Variants in PDE6B observed in about 807,000 individuals in gnomAD.
PDE6B encodes the protein phosphodiesterase 6B.
A neutral mutation model predicts 109.0 loss-of-function variants in PDE6B; 106 were observed. The ratio of observed to expected loss-of-function variants is 0.97; its 90% CI spans 0.83 to 1.14. The LOEUF (loss-of-function observed/expected upper bound fraction) is 1.14, where lower values mean the gene tolerates loss of function less well. Ranked by LOEUF, PDE6B falls within the 50% of genes most tolerant of loss-of-function variation. The probability of loss-of-function intolerance (pLI) is 0.00; values close to 1 mark genes in which losing one functional copy is unlikely to be tolerated. For synonymous variants in PDE6B, 490 were observed against 471.3 expected, an observed-to-expected ratio of 1.04 and a Z score of -0.51; for missense variants, 1,193 against 1,155.6, an observed-to-expected ratio of 1.03 and a Z score of -0.47.
chr4:663,085 C>T lies in PDE6B; in HGVS notation c.1833-15C>T. 6.6e-7 allele frequency: 1 copy of T among 1,518,480 alleles called. No homozygotes were observed. Among genetic ancestry groups the T allele is most frequent in the Non-Finnish European group, 9.2e-7 (1 of 1,092,752 alleles). The allele number at this position is 1,518,480 out of a possible 1,614,324, so 94.1% of individuals were successfully genotyped here. On this transcript the variant is annotated splice_polypyrimidine_tract_variant and intron_variant, in intron 14 of 21. Coordinates refer to ENST00000496514, the MANE Select transcript of PDE6B (RefSeq NM_000283.4). This position sits in a 1 kb window ranked among gnomAD's most constrained non-coding sequence, Gnocchi z 4.0. ...GCAGGTCCCACGGGCCTCACCTCCA[C>T]CACCTGTGTAACAGGTCCCAGAACC...
rs1735986358 is a variant in PDE6B at position 654,677 on chromosome 4, C to T, written c.928-147C>T. The T allele has an allele frequency of 6.6e-6, 5 of 763,260 alleles. No homozygotes were observed. The Admixed American group carries it at 8.6e-5, about 13-fold the overall frequency. The allele number at this position is 763,260 out of a possible 1,614,324, so 47.3% of individuals were successfully genotyped here. On this transcript the variant is annotated intron_variant, in intron 5 of 21. Transcript: ENST00000496514. ...GAATACCTGCGCACGGCGGAGACAT[C>T]TGTTCACGTGTGTACACATGCACGG...
chr4:630,498 TCGATGGCAGA>T (rs1734330970), intron 1 of PDE6B, among the ~76,000 whole-genome samples: 1 of 152,256 alleles, frequency 6.6e-6, no homozygotes, highest in Non-Finnish European at 1.5e-5. Flanking sequence ...CTTTGCAGTC[TCGATGGCAGA>T]CTTACAAAAA....
chr4:662,457 C>A lies in PDE6B; in HGVS notation c.1723-52C>A. 7.7e-7 allele frequency: 1 copy of A among 1,293,422 alleles called. No homozygotes were observed. Among genetic ancestry groups the A allele is most frequent in the Non-Finnish European group, 1.1e-6 (1 of 888,682 alleles). 80.1% of individuals were successfully genotyped at this position (1,293,422 alleles called of 1,614,324 possible). A position where few individuals can be genotyped will look rare whatever the true frequency, so the allele number is the denominator to read the frequency against. ...TAGGTCATCCCAACCCCTCACCACT[C>A]CCCACCCTGCTGGAGCCAGGACCGG... On this transcript the variant is annotated intron_variant, in intron 13 of 21. Transcript: ENST00000496514. This position sits in a 1 kb window ranked among gnomAD's most constrained non-coding sequence, Gnocchi z 4.3.
At position 662,273 on chromosome 4, in the gene PDE6B, C is replaced by A; in HGVS notation, c.1722+32C>A. 1 of 1,254,992 alleles carries A rather than the reference C, an allele frequency of 8.0e-7. No homozygotes were observed. The highest frequency in any genetic ancestry group is 1.1e-6 in the Non-Finnish European group (1 of 876,370). The allele number at this position is 1,254,992 out of a possible 1,614,324, so 77.7% of individuals were successfully genotyped here. On this transcript the variant is annotated intron_variant, in intron 13 of 21. Transcript: ENST00000496514. This position sits in a 1 kb window ranked among gnomAD's most constrained non-coding sequence, Gnocchi z 4.3. ...GGCTGCCAGAATCACCAGGGTTGTGCAGGCCCTCCTGGTACCAAGGGCAGC... is the reference window on the plus strand; with the variant it reads ...GGCTGCCAGAATCACCAGGGTTGTGAAGGCCCTCCTGGTACCAAGGGCAGC...
intron 1 of PDE6B, among the ~76,000 whole-genome samples, chr4:627,684 A>G (rs1439630144): frequency 2.1e-5 from 1 of 48,150 alleles, no homozygotes; most frequent in Non-Finnish European, 4.1e-5. Context: ...TCCTCCCCTC[A>G]CTCTCCTGCC....
Position 648,685 on chromosome 4 carries a change from A to G in PDE6B, c.712-5167A>G, listed in dbSNP as rs1259716548. On this transcript the variant is annotated intron_variant, in intron 3 of 21. Coordinates refer to ENST00000496514, the MANE Select transcript of PDE6B (RefSeq NM_000283.4). This position sits in a 1 kb window ranked among gnomAD's most constrained non-coding sequence, Gnocchi z 4.5. Reference sequence around the variant, plus strand: ...AGGAAAGCCATGGGTTAGGCCCTACAGAGCTCAGGTTTCTCTCTGACCTGT... The same window carrying G: ...AGGAAAGCCATGGGTTAGGCCCTACGGAGCTCAGGTTTCTCTCTGACCTGT... Among the ~76,000 whole-genome samples, 1 of 152,260 alleles carries G rather than the reference A, an allele frequency of 6.6e-6. No individual in the cohort carries two copies. Among genetic ancestry groups the G allele is most frequent in the African/African-American group, 2.4e-5 (1 of 41,474 alleles).
intron 2 of PDE6B, 30 bp downstream of exon 2, chr4:634,859 G>T (rs367693445): frequency 1.9e-5 from 30 of 1,605,434 alleles, no homozygotes; most frequent in South Asian, 3.3e-5. Flanking sequence ...GGGCAGCCGC[G>T]CGTCTGCCTC....
chr4:634,909 C>T (rs1734575994), intron 2 of PDE6B, 80 bp downstream of exon 2: 4 of 1,279,172 alleles, frequency 3.1e-6, no homozygotes, highest in Non-Finnish European at 3.4e-6. Context: ...TGCTGCGCAT[C>T]CACCTCTTTA....
At chr4:637,760 G>A (rs1360794347) in intron 3 of PDE6B, among the ~76,000 whole-genome samples, 1 of 152,220 alleles carries the variant, frequency 6.6e-6, no homozygotes, top group Non-Finnish European at 1.5e-5. Context: ...GCGCAGAGCT[G>A]CAAATGTTCC....
chr4:653,990 A>G lies in PDE6B; in HGVS notation c.850A>G (p.Lys284Glu). 6.2e-7 allele frequency: 1 copy of G among 1,613,700 alleles called. No individual in the cohort carries two copies. Among genetic ancestry groups the G allele is most frequent in the South Asian group, 1.1e-5 (1 of 91,074 alleles). ...GGGCCTCCTGGACATGACCAAGGAG[A>G]AGGTGAGGCTTCCGTGGCTCAGGGA... The part of the protein sequence containing the change: ...SVGLLDMTKE[K>E]EFFDVWSVLM... Residue 284 changes from lysine (K) to glutamate (E), a missense_variant and splice_region_variant, in exon 4 of 22, where the codon AAG becomes GAG. Transcript: ENST00000496514.
chr4:663,857 G>A lies in PDE6B; in HGVS notation c.2008G>A (p.Ala670Thr). 1 of 1,609,876 alleles carries A rather than the reference G, an allele frequency of 6.2e-7. No homozygotes were observed. Among genetic ancestry groups the A allele is most frequent in the Non-Finnish European group, 8.5e-7 (1 of 1,178,048 alleles). Reference protein sequence around the residue: ...MDIAIIATDLALYFKKRAMFQ... With the variant: ...MDIAIIATDLTLYFKKRAMFQ... Reference sequence around the variant, plus strand: ...CATCGCCATCATCGCCACGGACCTGGCCCTGTACTTCAAGTGCGCGCCTTC... The same window carrying A: ...CATCGCCATCATCGCCACGGACCTGACCCTGTACTTCAAGTGCGCGCCTTC... Residue 670 changes from alanine (A) to threonine (T), a missense_variant, in exon 16 of 22, where the codon GCC becomes ACC. Coordinates refer to ENST00000496514, the MANE Select transcript of PDE6B (RefSeq NM_000283.4). This position sits in a 1 kb window ranked among gnomAD's most constrained non-coding sequence, Gnocchi z 4.0.
intron 10 of PDE6B, 44 bp from the exon 11 acceptor site, chr4:658,908 A>C (rs1736690837): frequency 6.9e-7 from 1 of 1,441,872 alleles, no homozygotes; most frequent in African/African-American, 1.4e-5. Context: ...ACCTTGTCCC[A>C]CATGCGAAGC....
Position 662,867 on chromosome 4 carries a change from G to A in PDE6B, c.1833-233G>A, listed in dbSNP as rs2109257102. On this transcript the variant is annotated intron_variant, in intron 14 of 21. Transcript: ENST00000496514. The surrounding 1 kb of genome is among the most constrained non-coding windows in gnomAD (Gnocchi z 4.3). ...AAAAAAAAAAAAAAAGCTGTGTATG[G>A]TGGCGCACACCTGTGGTCCCAGCTA... 6.6e-6 allele frequency among the ~76,000 whole-genome samples: 1 copy of A among 151,664 alleles called. No individual in the cohort carries two copies. The highest frequency in any genetic ancestry group is 2.1e-4 in the South Asian group (1 of 4,804).
Position 670,531 on chromosome 4 carries a change from C to G in PDE6B, c.*424C>G, listed in dbSNP as rs573129240. 1 of 213,560 alleles carries G rather than the reference C, an allele frequency of 4.7e-6. No homozygotes were observed. The highest frequency in any genetic ancestry group is 2.4e-5 in the African/African-American group (1 of 42,518). The allele number at this position is 213,560 out of a possible 1,614,324, so 13.2% of individuals were successfully genotyped here. A position where few individuals can be genotyped will look rare whatever the true frequency, so the allele number is the denominator to read the frequency against. ...TGCTGGGATTACAGGCATGAGCCAC[C>G]ACGCCCAGCCTGTTTTTATAAACTG... On this transcript the variant is annotated 3_prime_UTR_variant, in exon 22 of 22. Coordinates refer to ENST00000496514, the MANE Select transcript of PDE6B (RefSeq NM_000283.4).
intron 21 of PDE6B, among the ~76,000 whole-genome samples, 156 bp downstream of exon 21, chr4:668,162 C>G (rs906461966): frequency 6.6e-6 from 1 of 151,952 alleles, no homozygotes; most frequent in Non-Finnish European, 1.5e-5. Context: ...AGAGAGGCCA[C>G]GGCGGGGGAG....
intron 3 of PDE6B, among the ~76,000 whole-genome samples, chr4:649,688 GGTTGGGACCGCGT>G (rs1735397879): frequency 6.6e-6 from 1 of 152,102 alleles, no homozygotes; most frequent in East Asian, 1.9e-4. Context: ...AAAGGCCTGG[GGTTGGGACCGCGT>G]AGGCCTGAGC....
rs778255348 is a variant in PDE6B, at chr4:665,276, G to A, written c.2215G>A (p.Glu739Lys). 1 of 1,612,916 alleles carries A rather than the reference G, an allele frequency of 6.2e-7. No homozygotes were observed. The highest frequency in any genetic ancestry group is 1.7e-4 in the Middle Eastern group (1 of 6,058). Residue 739 changes from glutamate (E) to lysine (K), a missense_variant, in exon 19 of 22, where the codon GAG becomes AAG. Transcript: ENST00000496514. This position sits in a 1 kb window ranked among gnomAD's most constrained non-coding sequence, Gnocchi z 4.0. The part of the protein sequence containing the change: ...QSKVALLVAA[E>K]FWEQGDLERT... ...CCAGGTCGCACTTCTCGTGGCTGCT[G>A]AGTTCTGGGAGCAAGGTGACTTGGA...
chr4:627,265 C>T (rs540418401), intron 1 of PDE6B, among the ~76,000 whole-genome samples: 2 of 151,894 alleles, frequency 1.3e-5, no homozygotes, highest in Admixed American at 1.3e-4. Context: ...CCTGCCTTGG[C>T]CTCCTGAGTA....
rs570092543 is a variant in PDE6B, at chr4:629,233, C to T, written c.468+3139C>T. 6.5e-4 allele frequency among the ~76,000 whole-genome samples: 99 copies of T among 152,304 alleles called. 1 individual carries two copies. The South Asian group carries it at 7.7e-3, about 12-fold the overall frequency. On this transcript the variant is annotated intron_variant, in intron 1 of 21. Coordinates refer to ENST00000496514, the MANE Select transcript of PDE6B (RefSeq NM_000283.4). ...AGGTGGCATGGCCTTCCCCATCCCC[C>T]GCTGTGCACCCCGGGCAGGGACGCC...
Sources: gnomAD v4.1 joint callset for allele counts (sites outside exome capture counted in the v4.1 genomes callset) on GRCh38, gnomAD v4.1.1 for gene constraint, Gnocchi (gnomAD v3.1) non-coding constraint, MANE v1.5 for transcripts, NCBI Gene and HGNC (gene_info 2026-07-23, HGNC 2026-07-21) for gene names.